Variants in COL8A1 observed in about 807,000 individuals in gnomAD.
COL8A1 encodes the protein collagen type VIII alpha 1 chain.
In COL8A1, 21 loss-of-function variants were observed where a neutral mutation model predicts 42.7. That is an observed-to-expected ratio of 0.49 (90% CI 0.35 to 0.71). The LOEUF (loss-of-function observed/expected upper bound fraction) is 0.71. Among genes scored for constraint, COL8A1 ranks in the 30% least tolerant of loss-of-function variants. COL8A1 has a pLI of 0.01. For synonymous variants in COL8A1, 367 were observed against 369.1 expected, an observed-to-expected ratio of 0.99 and a Z score of 0.06; for missense variants, 788 against 962.4, an observed-to-expected ratio of 0.82 and a Z score of 2.40.
chr3:99,669,587 A>G (rs1030020150), intron 1 of COL8A1, among the ~76,000 whole-genome samples: 1 of 152,108 alleles, frequency 6.6e-6, no homozygotes, highest in Non-Finnish European at 1.5e-5. Flanking sequence ...CTAGCAAATG[A>G]TATATATTCA....
intron 1 of COL8A1, among the ~76,000 whole-genome samples, chr3:99,660,826 A>G (rs1938181823): frequency 6.6e-6 from 1 of 152,244 alleles, no homozygotes; most frequent in African/African-American, 2.4e-5. Context: ...TCCAGGGAAC[A>G]TGATCTGGCC....
At chr3:99,700,706 T>G (rs920207166) in intron 1 of COL8A1, among the ~76,000 whole-genome samples, 1 of 152,206 alleles carries the variant, frequency 6.6e-6, no homozygotes, top group Non-Finnish European at 1.5e-5. Context: ...GTTTTTGAAA[T>G]TTCTTAAATC....
intron 2 of COL8A1, among the ~76,000 whole-genome samples, chr3:99,787,884 A>C (rs75250503): frequency 1.4e-4 from 21 of 151,634 alleles, no homozygotes; most frequent in African/African-American, 5.1e-4. Context: ...ACCCACACCC[A>C]CACACACACA....
At chr3:99,706,593 G>T (rs557054975) in intron 1 of COL8A1, among the ~76,000 whole-genome samples, 1 of 152,258 alleles carries the variant, frequency 6.6e-6, no homozygotes, top group African/African-American at 2.4e-5. Flanking sequence ...CTTTATCTTT[G>T]ATCATAATAA....
chr3:99,753,637 T>C (rs1337373576), intron 2 of COL8A1, among the ~76,000 whole-genome samples: 1 of 152,200 alleles, frequency 6.6e-6, no homozygotes, highest in Non-Finnish European at 1.5e-5. Context: ...TGCTTTTTCA[T>C]TTAGAAACTG....
In COL8A1 at chr3:99,795,507, G is replaced by T. The variant is rs1175177004; in HGVS notation, c.1606G>T (p.Gly536Ter). 1 of 1,588,742 alleles carries T rather than the reference G, an allele frequency of 6.3e-7. No homozygotes were observed. Among genetic ancestry groups the T allele is most frequent in the Non-Finnish European group, 8.6e-7 (1 of 1,167,810 alleles). The change falls in exon 4 of 4, where the codon GGA becomes TGA. Residue 536 changes from glycine (G) to a stop codon, truncating the protein, a stop_gained. Transcript: ENST00000652472. LOFTEE classifies it high-confidence loss of function. ...TGGGTTCCCTGGTATAGGGAAACCC[G>T]GAGTGGCAGGACTTCATGGCCCCCC... ...PPGFPGIGKP[G>*]VAGLHGPPGK...
At chr3:99,786,679 C>T (rs747407411) in intron 2 of COL8A1, among the ~76,000 whole-genome samples, 9 of 152,174 alleles carry the variant, frequency 5.9e-5, no homozygotes, top group Non-Finnish European at 1.0e-4. Flanking sequence ...TCTCTCCACA[C>T]TAGACTGTGA....
At chr3:99,677,501 A>G (rs1254835253) in intron 1 of COL8A1, among the ~76,000 whole-genome samples, 2 of 152,160 alleles carry the variant, frequency 1.3e-5, no homozygotes, top group East Asian at 1.9e-4. Flanking sequence ...ATAAGGATAA[A>G]TTAATACACA....
chr3:99,665,426 G>A (rs1408174814), intron 1 of COL8A1, among the ~76,000 whole-genome samples: 1 of 152,142 alleles, frequency 6.6e-6, no homozygotes, highest in African/African-American at 2.4e-5. Flanking sequence ...GGTTCTTCTG[G>A]GGTCTCTTAG....
chr3:99,775,927 T>C (rs1320647599), intron 2 of COL8A1, among the ~76,000 whole-genome samples: 1 of 152,236 alleles, frequency 6.6e-6, no homozygotes, highest in African/African-American at 2.4e-5. Context: ...AAAGAGGCAC[T>C]ACCATCTAGT....
intron 2 of COL8A1, among the ~76,000 whole-genome samples, chr3:99,748,173 T>C (rs1408663721): frequency 2.0e-5 from 3 of 152,226 alleles, no homozygotes; most frequent in Non-Finnish European, 2.9e-5. Flanking sequence ...GGAACAGTCA[T>C]AGTCTAAGAT....
intron 2 of COL8A1, among the ~76,000 whole-genome samples, chr3:99,750,708 C>T (rs747889301): frequency 1.3e-5 from 2 of 152,146 alleles, no homozygotes; most frequent in Non-Finnish European, 2.9e-5. Flanking sequence ...TTCAACTTCT[C>T]TAGACAAGAA....
At chr3:99,672,368 A>C (rs2107314528) in intron 1 of COL8A1, among the ~76,000 whole-genome samples, 1 of 152,040 alleles carries the variant, frequency 6.6e-6, no homozygotes, top group African/African-American at 2.4e-5. Context: ...GCTATCTTCC[A>C]TGTTTTTCTA....
chr3:99,688,816 G>A (rs79365430), intron 1 of COL8A1, among the ~76,000 whole-genome samples: 5,315 of 152,140 alleles, frequency 0.035, 149 homozygotes, highest in East Asian at 0.062. Context: ...GTCCAACTCA[G>A]GATTTCTCAC....
At chr3:99,647,108 C>T (rs1937670723) in intron 1 of COL8A1, among the ~76,000 whole-genome samples, 1 of 152,138 alleles carries the variant, frequency 6.6e-6, no homozygotes, top group Non-Finnish European at 1.5e-5. Context: ...CACTGTATGG[C>T]TTCACAGAAA....
At chr3:99,660,352 A>AT (rs1334188905) in intron 1 of COL8A1, among the ~76,000 whole-genome samples, 1 of 152,146 alleles carries the variant, frequency 6.6e-6, no homozygotes, top group African/African-American at 2.4e-5. Context: ...TATAACTATT[A>AT]TTTTTTAAAT....
intron 1 of COL8A1, among the ~76,000 whole-genome samples, chr3:99,669,042 T>G (rs1325685373): frequency 6.6e-6 from 1 of 150,686 alleles, no homozygotes; most frequent in Non-Finnish European, 1.5e-5. Flanking sequence ...TTACTGAAGC[T>G]GAGGTATCAT....
At chr3:99,771,098 G>A (rs539394248) in intron 2 of COL8A1, among the ~76,000 whole-genome samples, 1 of 152,180 alleles carries the variant, frequency 6.6e-6, no homozygotes, top group Non-Finnish European at 1.5e-5. Context: ...CCAAAGAACA[G>A]AGAGAAGGTC....
Position 99,798,652 on chromosome 3 carries a change from G to A in COL8A1, c.*2516G>A, listed in dbSNP as rs1576481845. On this transcript the variant is annotated 3_prime_UTR_variant, in exon 4 of 4. Transcript: ENST00000652472. ...TGTGTGTGTGTGCGCGTGAGCGCAC[G>A]TGTGTGTATGCGTGCGCATGTGTGT... 6.6e-6 allele frequency: 1 copy of A among 150,610 alleles called. No individual in the cohort carries two copies. The highest frequency in any genetic ancestry group is 2.1e-4 in the South Asian group (1 of 4,826). The allele number at this position is 150,610 out of a possible 1,614,324, so 9.3% of individuals were successfully genotyped here.
Sources: gnomAD v4.1 joint callset for allele counts (sites outside exome capture counted in the v4.1 genomes callset) on GRCh38, gnomAD v4.1.1 for gene constraint, MANE v1.5 for transcripts, NCBI Gene and HGNC (gene_info 2026-07-23, HGNC 2026-07-21) for gene names.